The following PGCKA1 variants were observed in gnomAD, a reference collection of about 807,000 sequenced individuals.
PGCKA1 encodes PDCD10 and GCKIII kinases associated 1.
chr4:37,541,192 C>G, the PGCKA1 span, among the ~76,000 whole-genome samples: 2 of 152,244 alleles, frequency 1.3e-5, no homozygotes, highest in East Asian at 3.9e-4. Flanking sequence ...CCACCTAACC[C>G]CAGCCCATCC....
the PGCKA1 span, among the ~76,000 whole-genome samples, chr4:37,487,204 G>T: frequency 2.6e-5 from 4 of 152,146 alleles, no homozygotes; most frequent in Non-Finnish European, 4.4e-5. Flanking sequence ...AAGGCAAAAA[G>T]AGATTGACCC....
At chr4:37,495,621 A>G in the PGCKA1 span, among the ~76,000 whole-genome samples, 3 of 152,254 alleles carry the variant, frequency 2.0e-5, no homozygotes, top group Non-Finnish European at 4.4e-5. Context: ...AGAAAACCAA[A>G]CACCACATGT....
At chr4:37,546,465 G>A in the PGCKA1 span, among the ~76,000 whole-genome samples, 1 of 152,204 alleles carries the variant, frequency 6.6e-6, no homozygotes, top group Non-Finnish European at 1.5e-5. Flanking sequence ...TGAAACACCT[G>A]TCACATGTCC....
At chr4:37,539,996 A>C in the PGCKA1 span, among the ~76,000 whole-genome samples, 482 of 152,338 alleles carry the variant, frequency 3.2e-3, no homozygotes, top group Middle Eastern at 6.8e-3. Context: ...CCTTACTGTT[A>C]CTAAATGTGA....
At chr4:37,514,271 G>A in the PGCKA1 span, among the ~76,000 whole-genome samples, 1 of 152,088 alleles carries the variant, frequency 6.6e-6, no homozygotes, top group Non-Finnish European at 1.5e-5. Context: ...GAGCACTCCT[G>A]GCCTAATCAC....
the PGCKA1 span, among the ~76,000 whole-genome samples, chr4:37,454,413 C>T: frequency 6.6e-6 from 1 of 152,194 alleles, no homozygotes; most frequent in South Asian, 2.1e-4. Flanking sequence ...CTTGAAAAAA[C>T]TGCAAGAGAT....
chr4:37,570,205 A>T, the PGCKA1 span, among the ~76,000 whole-genome samples: 2 of 118,010 alleles, frequency 1.7e-5, no homozygotes, highest in Admixed American at 1.1e-4. Flanking sequence ...TCACCGTGTT[A>T]GCCAGGATGG....
chr4:37,480,648 A>T, the PGCKA1 span, among the ~76,000 whole-genome samples: 2 of 152,194 alleles, frequency 1.3e-5, no homozygotes, highest in East Asian at 3.8e-4. Context: ...AGTTCATGGC[A>T]GGGTTGGAAT....
the PGCKA1 span, among the ~76,000 whole-genome samples, chr4:37,549,960 T>G: frequency 6.6e-6 from 1 of 152,294 alleles, no homozygotes; most frequent in Non-Finnish European, 1.5e-5. Context: ...AGTAAGGACT[T>G]CAACTGACCT....
the PGCKA1 span, among the ~76,000 whole-genome samples, chr4:37,530,761 G>A: frequency 3.2e-4 from 48 of 152,080 alleles, no homozygotes; most frequent in African/African-American, 1.1e-3. Context: ...CGGTTCACTT[G>A]AGGTCAGGAG....
the PGCKA1 span, among the ~76,000 whole-genome samples, chr4:37,521,720 A>G: frequency 6.6e-6 from 1 of 152,220 alleles, no homozygotes; most frequent in Non-Finnish European, 1.5e-5. Flanking sequence ...AGAGTGCAGA[A>G]TAAGTCTGAT....
the PGCKA1 span, among the ~76,000 whole-genome samples, chr4:37,545,668 G>T: frequency 1.3e-5 from 2 of 152,138 alleles, no homozygotes; most frequent in African/African-American, 4.8e-5. Flanking sequence ...ATGGGAGGTA[G>T]TTGGACGTGT....
the PGCKA1 span, among the ~76,000 whole-genome samples, chr4:37,459,384 T>C: frequency 6.6e-6 from 1 of 152,184 alleles, no homozygotes; most frequent in Admixed American, 6.5e-5. Context: ...TTTAGAATAG[T>C]ATCTGTTAAT....
the PGCKA1 span, among the ~76,000 whole-genome samples, chr4:37,493,721 C>T: frequency 1.3e-5 from 2 of 152,166 alleles, no homozygotes; most frequent in South Asian, 2.1e-4. Context: ...TCCCCATCCT[C>T]CATGGCCCCA....
At chr4:37,476,686 G>A in the PGCKA1 span, among the ~76,000 whole-genome samples, 1 of 152,134 alleles carries the variant, frequency 6.6e-6, no homozygotes, top group East Asian at 1.9e-4. Flanking sequence ...ATCGTTGTTG[G>A]TTTAGAAGCT....
At chr4:37,537,792 G>A in the PGCKA1 span, among the ~76,000 whole-genome samples, 2 of 152,152 alleles carry the variant, frequency 1.3e-5, no homozygotes, top group Non-Finnish European at 2.9e-5. Context: ...CTTAAACTCT[G>A]AATTCTTTCT....
At chr4:37,571,075 G>GCA in the PGCKA1 span, among the ~76,000 whole-genome samples, 1 of 152,276 alleles carries the variant, frequency 6.6e-6, no homozygotes, top group East Asian at 1.9e-4. Context: ...TAAGAATGAA[G>GCA]TGCCCCATAC....
the PGCKA1 span, among the ~76,000 whole-genome samples, chr4:37,499,823 ATTTC>A: frequency 8.4e-6 from 1 of 119,460 alleles, no homozygotes; most frequent in African/African-American, 3.3e-5. Flanking sequence ...GATTTTGGTT[ATTTC>A]TTGTCTTCTG....
chr4:37,571,887 C>T, the PGCKA1 span, among the ~76,000 whole-genome samples: 1 of 152,042 alleles, frequency 6.6e-6, no homozygotes, highest in Non-Finnish European at 1.5e-5. Context: ...CCACCTCGGC[C>T]TCCCAAAGTG....
Sources: allele counts gnomAD v4.1 joint callset (sites outside exome capture counted in the v4.1 genomes callset), GRCh38; gene constraint gnomAD v4.1.1; transcripts MANE v1.5; gene names NCBI Gene and HGNC (gene_info 2026-07-23, HGNC 2026-07-21).